The following ESRRB variants were observed in gnomAD, a reference collection of about 807,000 sequenced individuals.
ESRRB encodes the protein steroid hormone receptor ERR2.
A neutral mutation model predicts 46.0 loss-of-function variants in ESRRB; 16 were observed. The observed-to-expected ratio is 0.35, with a 90% CI of 0.24 to 0.53. The LOEUF (loss-of-function observed/expected upper bound fraction) is 0.53, where lower values mean the gene tolerates loss of function less well. ESRRB is among the 20% of genes least tolerant of loss of function. The pLI, the probability that ESRRB is intolerant of heterozygous loss-of-function variation, is 0.93. For synonymous variants in ESRRB, 246 were observed against 259.6 expected (o/e 0.95, Z 0.50); for missense variants, 488 against 607.4 (o/e 0.80, Z 2.07).
intron 3 of ESRRB, among the ~76,000 whole-genome samples, chr14:76,478,822 CTT>C (rs1316294917): frequency 2.0e-5 from 3 of 151,956 alleles, no homozygotes. Flanking sequence ...TCCCAAAAGA[CTT>C]TTACAGGAAG....
At chr14:76,358,048 T>A (rs1884404793) in intron 1 of ESRRB, among the ~76,000 whole-genome samples, 1 of 151,926 alleles carries the variant, frequency 6.6e-6, no homozygotes, top group Non-Finnish European at 1.5e-5. Context: ...ACGGTGGCTC[T>A]CGCCTGTAAT....
chr14:76,424,581 G>A (rs1245664040), intron 1 of ESRRB, among the ~76,000 whole-genome samples: 2 of 152,190 alleles, frequency 1.3e-5, no homozygotes, highest in African/African-American at 4.8e-5. Flanking sequence ...TCAGAGTGGA[G>A]GTCAGCAACA....
intron 3 of ESRRB, among the ~76,000 whole-genome samples, chr14:76,471,565 A>C (rs749875045): frequency 6.6e-6 from 1 of 151,940 alleles, no homozygotes; most frequent in Non-Finnish European, 1.5e-5. Flanking sequence ...AGCATGACAA[A>C]CTGTTTCCCA....
chr14:76,379,683 G>T (rs1161200467), intron 1 of ESRRB, among the ~76,000 whole-genome samples: 2 of 152,156 alleles, frequency 1.3e-5, no homozygotes, highest in East Asian at 3.9e-4. Flanking sequence ...GAACTGGGAG[G>T]AGACATTAGG....
intron 2 of ESRRB, among the ~76,000 whole-genome samples, chr14:76,451,211 G>A (rs1888368233): frequency 6.6e-6 from 1 of 152,184 alleles, no homozygotes; most frequent in Admixed American, 6.5e-5. Context: ...CACAGGTCAT[G>A]GTAAGGAACA....
intron 1 of ESRRB, among the ~76,000 whole-genome samples, chr14:76,383,658 A>T (rs1341717672): frequency 6.6e-6 from 1 of 151,888 alleles, no homozygotes; most frequent in Non-Finnish European, 1.5e-5. Flanking sequence ...GAAGGAGTGT[A>T]GGTGTGTGGT....
At chr14:76,410,061 TAAAAATACAAAAACTA>T (rs1331305477) in intron 1 of ESRRB, among the ~76,000 whole-genome samples, 4 of 152,038 alleles carry the variant, frequency 2.6e-5, no homozygotes, top group African/African-American at 9.7e-5. Flanking sequence ...CCGTCTCTAC[TAAAAATACAAAAACTA>T]GCCAGGCATG....
At chr14:76,460,161 T>C (rs1323076357) in intron 2 of ESRRB, among the ~76,000 whole-genome samples, 2 of 152,176 alleles carry the variant, frequency 1.3e-5, no homozygotes, top group East Asian at 3.9e-4. Flanking sequence ...CCATATCCCA[T>C]GTGGGGAGGT....
At chr14:76,329,361 C>T (rs2139734900) in intron 1 of ESRRB, among the ~76,000 whole-genome samples, 1 of 152,230 alleles carries the variant, frequency 6.6e-6, no homozygotes, top group East Asian at 1.9e-4. Context: ...TGCCAGTTCC[C>T]CATTCCCGTC....
At chr14:76,321,071 T>C (rs1595043703) in intron 1 of ESRRB, among the ~76,000 whole-genome samples, 1 of 152,228 alleles carries the variant, frequency 6.6e-6, no homozygotes, top group East Asian at 1.9e-4. Context: ...ATGGCCTCGA[T>C]TTTATCATTA....
At chr14:76,475,252 C>T (rs1175419887) in intron 3 of ESRRB, among the ~76,000 whole-genome samples, 2 of 151,492 alleles carry the variant, frequency 1.3e-5, no homozygotes, top group Non-Finnish European at 2.9e-5. Flanking sequence ...ACTTGTAGTC[C>T]CAGCTCCTGG....
At chr14:76,340,171 C>T (rs1042234797) in intron 1 of ESRRB, among the ~76,000 whole-genome samples, 2 of 152,128 alleles carry the variant, frequency 1.3e-5, no homozygotes, top group Non-Finnish European at 2.9e-5. Context: ...GCAAAGTGTC[C>T]TTCCTAGACA....
chr14:76,377,531 ACTCTAGGTTCT>A (rs1373409276), intron 1 of ESRRB, among the ~76,000 whole-genome samples: 1 of 150,774 alleles, frequency 6.6e-6, no homozygotes, highest in East Asian at 2.0e-4. Flanking sequence ...AATACATAAA[ACTCTAGGTTCT>A]TACGGACAGC....
At chr14:76,462,307 C>T (rs962456591) in intron 2 of ESRRB, among the ~76,000 whole-genome samples, 1 of 152,184 alleles carries the variant, frequency 6.6e-6, no homozygotes, top group Non-Finnish European at 1.5e-5. Flanking sequence ...TGTGGGTGGC[C>T]ATCCTCTGGA....
intron 1 of ESRRB, among the ~76,000 whole-genome samples, chr14:76,434,767 G>A (rs1159608251): frequency 6.6e-6 from 1 of 152,198 alleles, no homozygotes; most frequent in Non-Finnish European, 1.5e-5. Flanking sequence ...TGGGGGATTG[G>A]AAAGATGAGG....
At chr14:76,475,072 A>G (rs1199319499) in intron 3 of ESRRB, among the ~76,000 whole-genome samples, 1 of 152,028 alleles carries the variant, frequency 6.6e-6, no homozygotes, top group East Asian at 1.9e-4. Flanking sequence ...TTTGCAAAAA[A>G]ATTTTTAAAA....
intron 6 of ESRRB, among the ~76,000 whole-genome samples, chr14:76,495,816 T>C (rs1890405827): frequency 6.6e-6 from 1 of 152,182 alleles, no homozygotes; most frequent in East Asian, 1.9e-4. Context: ...AATTTTTATA[T>C]ATAACAGACA....
chr14:76,384,399 G>A (rs553948639), intron 1 of ESRRB, among the ~76,000 whole-genome samples: 31 of 152,200 alleles, frequency 2.0e-4, no homozygotes, highest in African/African-American at 7.0e-4. Context: ...GAGGGTGACC[G>A]TTTCTTGCTC....
intron 1 of ESRRB, among the ~76,000 whole-genome samples, chr14:76,396,881 C>T (rs191475771): frequency 1.3e-5 from 2 of 152,360 alleles, no homozygotes; most frequent in East Asian, 1.9e-4. Flanking sequence ...CTCCACTTCA[C>T]GCCTCATGGA....
Sources: allele counts gnomAD v4.1 joint callset (sites outside exome capture counted in the v4.1 genomes callset), GRCh38; gene constraint gnomAD v4.1.1; transcripts MANE v1.5; gene names NCBI Gene and HGNC (gene_info 2026-07-23, HGNC 2026-07-21).